The following FAM210A variants were observed in gnomAD, a reference collection of about 807,000 sequenced individuals.
The protein encoded by FAM210A is mitochondrial inner membrane scaffold 1.
FAM210A carries 13 observed loss-of-function variants against 25.3 expected under a neutral mutation model. The observed-to-expected ratio is 0.51, with a 90% CI of 0.33 to 0.82. The LOEUF is 0.82. Among genes scored for constraint, FAM210A ranks in the 40% least tolerant of loss-of-function variants. The pLI is 0.02. For missense variants in FAM210A, 319 were observed against 323.2 expected, an observed-to-expected ratio of 0.99 and a Z score of 0.10; for synonymous variants, 125 against 118.7, an observed-to-expected ratio of 1.05 and a Z score of -0.35.
chr18:13,723,138 T>C (rs1226051133), intron 1 of FAM210A, among the ~76,000 whole-genome samples: 2 of 152,244 alleles, frequency 1.3e-5, no homozygotes, highest in Non-Finnish European at 2.9e-5. Context: ...TAGTGATCTT[T>C]TGCATATCTT....
At chr18:13,684,348 G>A (rs1019643718) in intron 1 of FAM210A, among the ~76,000 whole-genome samples, 3 of 151,934 alleles carry the variant, frequency 2.0e-5, no homozygotes, top group African/African-American at 4.8e-5. Flanking sequence ...GCAGTGACCC[G>A]AGGTCGCGCC....
chr18:13,693,242 T>A (rs1362485299), intron 1 of FAM210A, among the ~76,000 whole-genome samples: 2 of 152,066 alleles, frequency 1.3e-5, no homozygotes, highest in African/African-American at 2.4e-5. Flanking sequence ...GCTCTGAAAT[T>A]GAGGCAATAA....
At chr18:13,685,081 T>TAG (rs983699224) in intron 1 of FAM210A, among the ~76,000 whole-genome samples, 5 of 152,212 alleles carry the variant, frequency 3.3e-5, no homozygotes, top group African/African-American at 1.2e-4. Flanking sequence ...TTTGACCTTT[T>TAG]TCCTCTTGTC....
intron 2 of FAM210A, among the ~76,000 whole-genome samples, chr18:13,675,989 A>T (rs1256426092): frequency 6.9e-5 from 6 of 86,510 alleles, no homozygotes; most frequent in Admixed American, 2.8e-4. Flanking sequence ...TAACTTCTTT[A>T]TTTCCAGTTT....
Position 13,682,110 on chromosome 18 carries a change from A to G in FAM210A, c.-28-5T>C. The G allele has an allele frequency of 3.3e-6, 5 of 1,518,114 alleles. No individual in the cohort carries two copies. The highest frequency in any genetic ancestry group is 3.5e-6 in the Non-Finnish European group (4 of 1,133,488). 94.0% of individuals were successfully genotyped at this position (1,518,114 alleles called of 1,614,324 possible). A position where few individuals can be genotyped will look rare whatever the true frequency, so the allele number is the denominator to read the frequency against. On this transcript the variant is annotated splice_region_variant and splice_polypyrimidine_tract_variant and intron_variant, in intron 1 of 3. Transcript: ENST00000651643. ...AGTGTTGATAGGTTTCAGCTTCTAC[A>G]AAGACAATTTTTCAAAAAAATTAGG...
chr18:13,698,439 G>A (rs372884035), intron 1 of FAM210A, among the ~76,000 whole-genome samples: 21 of 150,632 alleles, frequency 1.4e-4, no homozygotes, highest in African/African-American at 5.1e-4. Context: ...AGGATCCTAA[G>A]ATCAAGATCC....
intron 1 of FAM210A, among the ~76,000 whole-genome samples, chr18:13,689,579 C>T (rs1235696016): frequency 1.3e-5 from 2 of 152,086 alleles, no homozygotes; most frequent in African/African-American, 4.8e-5. Context: ...CGCTCGCCCC[C>T]GTGGCTGGGA....
intron 1 of FAM210A, among the ~76,000 whole-genome samples, chr18:13,699,183 T>TGA (rs948665120): frequency 2.0e-5 from 3 of 152,228 alleles, no homozygotes; most frequent in African/African-American, 7.2e-5. Flanking sequence ...TAAAAAGGTG[T>TGA]GAAAGTCTGT....
intron 1 of FAM210A, among the ~76,000 whole-genome samples, chr18:13,706,558 T>C (rs1332799439): frequency 1.3e-5 from 2 of 152,130 alleles, no homozygotes; most frequent in Admixed American, 6.5e-5. Flanking sequence ...CCCACATAGG[T>C]TAAAGAGAAC....
rs561964046 is a variant in FAM210A, at chr18:13,683,106, C to T, written c.-28-1001G>A. ...CACTACTAAAATGAAGATGACTTTA[C>T]AGGATTGTCACCAGGAATTACATAA... On this transcript the variant is annotated intron_variant, in intron 1 of 3. Transcript: ENST00000651643. Among the ~76,000 whole-genome samples the T allele has an allele frequency of 3.3e-5, 5 of 152,196 alleles. No homozygotes were observed. The East Asian group carries it at 9.6e-4, about 29-fold the overall frequency.
chr18:13,684,423 T>C (rs927927197), intron 1 of FAM210A, among the ~76,000 whole-genome samples: 1 of 151,460 alleles, frequency 6.6e-6, no homozygotes, highest in African/African-American at 2.4e-5. Flanking sequence ...AAAGTGATAC[T>C]GGAGATTAAT....
intron 2 of FAM210A, among the ~76,000 whole-genome samples, chr18:13,677,048 G>T (rs2043510089): frequency 6.6e-6 from 1 of 151,250 alleles, no homozygotes; most frequent in Non-Finnish European, 1.5e-5. Context: ...AGCTCCCTGA[G>T]TGAGCAATTC....
chr18:13,697,308 C>CA (rs1405984241), intron 1 of FAM210A, among the ~76,000 whole-genome samples: 60 of 151,178 alleles, frequency 4.0e-4, no homozygotes, highest in East Asian at 1.2e-3. Context: ...CTACAGATGG[C>CA]AAAAAACACA....
At chr18:13,723,320 G>C (rs551090400) in intron 1 of FAM210A, among the ~76,000 whole-genome samples, 21 of 152,220 alleles carry the variant, frequency 1.4e-4, no homozygotes, top group African/African-American at 4.8e-4. Flanking sequence ...ACCCAAATTT[G>C]AATCAGTCAG....
At chr18:13,711,549 C>T (rs2043821876) in intron 1 of FAM210A, among the ~76,000 whole-genome samples, 1 of 152,184 alleles carries the variant, frequency 6.6e-6, no homozygotes. Flanking sequence ...TAATTACCCT[C>T]ACTACTTGCA....
At chr18:13,700,965 A>G (rs2043734916) in intron 1 of FAM210A, among the ~76,000 whole-genome samples, 1 of 152,016 alleles carries the variant, frequency 6.6e-6, no homozygotes, top group Admixed American at 6.5e-5. Context: ...TTGTCTATAA[A>G]TCTCCCACCA....
At chr18:13,683,004 G>GA (rs200914852) in intron 1 of FAM210A, among the ~76,000 whole-genome samples, 1 of 152,102 alleles carries the variant, frequency 6.6e-6, no homozygotes, top group Non-Finnish European at 1.5e-5. Flanking sequence ...TATAGTGGGG[G>GA]AAAAAATAAG....
chr18:13,697,068 T>C (rs1042034474), intron 1 of FAM210A, among the ~76,000 whole-genome samples: 1 of 152,260 alleles, frequency 6.6e-6, no homozygotes, highest in African/African-American at 2.4e-5. Flanking sequence ...AGTACAGTAA[T>C]GCGCTGTACA....
intron 1 of FAM210A, among the ~76,000 whole-genome samples, chr18:13,725,259 T>G (rs966440953): frequency 2.0e-5 from 3 of 152,228 alleles, no homozygotes; most frequent in Non-Finnish European, 2.9e-5. Context: ...TCAATATTCA[T>G]GTAATGAGAT....
Sources: gnomAD v4.1 joint callset for allele counts (sites outside exome capture counted in the v4.1 genomes callset) on GRCh38, gnomAD v4.1.1 for gene constraint, MANE v1.5 for transcripts, NCBI Gene and HGNC (gene_info 2026-07-23, HGNC 2026-07-21) for gene names.